Variants in CNTNAP2 observed in about 807,000 individuals in gnomAD.
The protein encoded by CNTNAP2 is contactin associated protein 2.
CNTNAP2 carries 98 observed loss-of-function variants against 155.2 expected under a neutral mutation model. The observed-to-expected ratio is 0.63, with a 90% CI of 0.54 to 0.75. The LOEUF (loss-of-function observed/expected upper bound fraction) is 0.75, where lower values mean the gene tolerates loss of function less well. Among genes scored for constraint, CNTNAP2 ranks in the 30% least tolerant of loss-of-function variants. The pLI, the probability that CNTNAP2 is intolerant of heterozygous loss-of-function variation, is 0.00. For synonymous variants in CNTNAP2, 651 were observed against 631.2 expected (o/e 1.03, Z -0.47); for missense variants, 1,727 against 1,688.1 (o/e 1.02, Z -0.40).
intron 13 of CNTNAP2, among the ~76,000 whole-genome samples, chr7:147,741,861 G>A (rs1486510340): frequency 1.3e-5 from 2 of 152,106 alleles, no homozygotes; most frequent in Non-Finnish European, 2.9e-5. Flanking sequence ...TTATCTTGAT[G>A]GCTGTATTAG....
chr7:146,400,580 C>T (rs376665765), intron 1 of CNTNAP2, among the ~76,000 whole-genome samples: 151 of 152,312 alleles, frequency 9.9e-4, no homozygotes, highest in African/African-American at 3.5e-3. Flanking sequence ...TTTTGCAGAA[C>T]TGCTGAGAAT....
At chr7:148,158,688 A>C (rs1245730490) in intron 17 of CNTNAP2, among the ~76,000 whole-genome samples, 1 of 152,220 alleles carries the variant, frequency 6.6e-6, no homozygotes. Context: ...TCACCTTCTC[A>C]TGTGTCACAA....
intron 11 of CNTNAP2, among the ~76,000 whole-genome samples, chr7:147,488,790 C>T (rs903518676): frequency 6.6e-6 from 1 of 152,116 alleles, no homozygotes; most frequent in Non-Finnish European, 1.5e-5. Context: ...TTTGACTTTA[C>T]CATTTTCTTA....
At chr7:146,817,629 G>A (rs1208337309) in intron 2 of CNTNAP2, among the ~76,000 whole-genome samples, 1 of 152,118 alleles carries the variant, frequency 6.6e-6, no homozygotes, top group East Asian at 1.9e-4. Flanking sequence ...GACAAAGAGG[G>A]AGCTGACACG....
intron 1 of CNTNAP2, among the ~76,000 whole-genome samples, chr7:146,586,158 A>T (rs1798688698): frequency 6.6e-6 from 1 of 152,214 alleles, no homozygotes; most frequent in Non-Finnish European, 1.5e-5. Flanking sequence ...TTTAAAATGT[A>T]TCTGGGTCTA....
intron 1 of CNTNAP2, among the ~76,000 whole-genome samples, chr7:146,479,019 GA>G (rs1208665660): frequency 2.0e-5 from 3 of 151,960 alleles, no homozygotes; most frequent in Non-Finnish European, 4.4e-5. Flanking sequence ...ATTGAAGTAG[GA>G]AAAAAATAAC....
intron 8 of CNTNAP2, among the ~76,000 whole-genome samples, chr7:147,163,527 G>T (rs529757521): frequency 6.6e-6 from 1 of 152,164 alleles, no homozygotes; most frequent in Non-Finnish European, 1.5e-5. Context: ...CCTATGGTTT[G>T]GGAACAACTA....
At chr7:147,306,975 T>C (rs1219347019) in intron 9 of CNTNAP2, among the ~76,000 whole-genome samples, 1 of 152,228 alleles carries the variant, frequency 6.6e-6, no homozygotes, top group East Asian at 1.9e-4. Context: ...CATTTTTCCT[T>C]AGAATGTAGT....
At chr7:147,025,150 G>A (rs976947604) in intron 3 of CNTNAP2, among the ~76,000 whole-genome samples, 1 of 149,304 alleles carries the variant, frequency 6.7e-6, no homozygotes, top group Non-Finnish European at 1.5e-5. Context: ...GCCGGGTGTG[G>A]TGGCACGCCC....
At chr7:147,788,901 T>TTTTA (rs1276765913) in intron 13 of CNTNAP2, among the ~76,000 whole-genome samples, 260 of 67,704 alleles carry the variant, frequency 3.8e-3, no homozygotes, top group Non-Finnish European at 5.9e-3. Context: ...TTTCTTTTTC[T>TTTTA]TTTTTTTTTT....
At chr7:147,923,604 C>G (rs1585030720) in intron 14 of CNTNAP2, among the ~76,000 whole-genome samples, 1 of 151,888 alleles carries the variant, frequency 6.6e-6, no homozygotes, top group African/African-American at 2.4e-5. Context: ...GCCTCAATTG[C>G]CAGGGCTCCA....
chr7:147,347,316 C>T (rs1795880976), intron 9 of CNTNAP2, among the ~76,000 whole-genome samples: 1 of 151,550 alleles, frequency 6.6e-6, no homozygotes, highest in Admixed American at 6.6e-5. Context: ...GGACAAAACA[C>T]ACTGAAGATA....
intron 1 of CNTNAP2, among the ~76,000 whole-genome samples, chr7:146,338,905 A>T (rs1801326416): frequency 6.6e-6 from 1 of 152,054 alleles, no homozygotes. Flanking sequence ...GTTTCAGGCC[A>T]GGCACTATGG....
intron 13 of CNTNAP2, among the ~76,000 whole-genome samples, chr7:147,716,299 G>C (rs1171794737): frequency 6.6e-6 from 1 of 152,052 alleles, no homozygotes. Flanking sequence ...TTTAATAAGC[G>C]AAAGAAAGAT....
At chr7:146,859,474 T>C (rs1795055047) in intron 3 of CNTNAP2, among the ~76,000 whole-genome samples, 1 of 152,158 alleles carries the variant, frequency 6.6e-6, no homozygotes, top group Non-Finnish European at 1.5e-5. Context: ...CTGATCAACC[T>C]GGAGAAACCC....
intron 12 of CNTNAP2, among the ~76,000 whole-genome samples, chr7:147,595,397 T>A (rs1485976780): frequency 6.6e-6 from 1 of 152,176 alleles, no homozygotes; most frequent in Non-Finnish European, 1.5e-5. Context: ...CAAAGAAGTG[T>A]CATTTGGGAA....
At chr7:147,246,105 A>T (rs541540428) in intron 8 of CNTNAP2, among the ~76,000 whole-genome samples, 1 of 150,416 alleles carries the variant, frequency 6.6e-6, no homozygotes, top group Non-Finnish European at 1.5e-5. Flanking sequence ...ATATATATAT[A>T]TACACACATA....
intron 13 of CNTNAP2, among the ~76,000 whole-genome samples, chr7:147,721,118 T>C (rs138062266): frequency 0.016 from 2,503 of 152,192 alleles, 224 homozygotes; most frequent in Admixed American, 0.15. Flanking sequence ...TGAAATAGAA[T>C]CCTAGGGAAT....
At chr7:146,435,779 G>A (rs959545929) in intron 1 of CNTNAP2, among the ~76,000 whole-genome samples, 6 of 152,048 alleles carry the variant, frequency 3.9e-5, no homozygotes, top group Non-Finnish European at 7.4e-5. Context: ...TGTAGGAGTC[G>A]TTCCTCTCCT....
Sources: gnomAD v4.1 joint callset for allele counts (sites outside exome capture counted in the v4.1 genomes callset) on GRCh38, gnomAD v4.1.1 for gene constraint, MANE v1.5 for transcripts, NCBI Gene and HGNC (gene_info 2026-07-23, HGNC 2026-07-21) for gene names.